The following RMDN2 variants were observed in gnomAD, a reference collection of about 807,000 sequenced individuals.
RMDN2 encodes the protein regulator of microtubule dynamics 2, also known as regulator of microtubule dynamics protein 2.
In RMDN2, 61 loss-of-function variants were observed where a neutral mutation model predicts 52.8. The ratio of observed to expected loss-of-function variants is 1.16; its 90% confidence interval spans 0.94 to 1.43. The LOEUF is 1.43. RMDN2 is among the 40% of genes most tolerant of loss of function. The pLI, the probability that RMDN2 is intolerant of heterozygous loss-of-function variation, is 0.00. For synonymous variants in RMDN2, 180 were observed against 153.1 expected (o/e 1.18, Z -1.30); for missense variants, 592 against 475.3 (o/e 1.25, Z -2.28).
chr2:37,931,820 C>G (rs1199051280), intron 2 of RMDN2, among the ~76,000 whole-genome samples: 2 of 152,200 alleles, frequency 1.3e-5, no homozygotes, highest in African/African-American at 2.4e-5. Context: ...AACTTCAAGA[C>G]TGATGTCAGG....
downstream of RMDN2, among the ~76,000 whole-genome samples, chr2:38,019,795 C>A (rs1198483608): frequency 6.6e-6 from 1 of 151,948 alleles, no homozygotes; most frequent in Non-Finnish European, 1.5e-5. Context: ...CGTGGTGGTG[C>A]ATGCCTGTAG....
chr2:38,032,881 A>G (rs1352804028), intron 10 of RMDN2: 1 of 152,096 alleles, frequency 6.6e-6, no homozygotes, highest in Non-Finnish European at 1.5e-5. Context: ...ATTTCAGCAG[A>G]CATGTTTTTA....
intron 5 of RMDN2, among the ~76,000 whole-genome samples, chr2:37,983,944 C>T (rs1398226611): frequency 1.3e-5 from 2 of 152,148 alleles, no homozygotes; most frequent in Non-Finnish European, 2.9e-5. Flanking sequence ...TGCACAGCAG[C>T]AGAGTAGTTG....
intron 10 of RMDN2, among the ~76,000 whole-genome samples, chr2:38,025,204 T>C (rs563073767): frequency 1.3e-5 from 2 of 152,220 alleles, no homozygotes; most frequent in East Asian, 3.9e-4. Context: ...CAGTTTTCAA[T>C]GTACAGGTCT....
intron 10 of RMDN2, among the ~76,000 whole-genome samples, chr2:38,004,471 T>C (rs1676784295): frequency 6.6e-6 from 1 of 152,206 alleles, no homozygotes. Context: ...TAGTTACTTT[T>C]TTTATTGTTG....
intron 10 of RMDN2, among the ~76,000 whole-genome samples, chr2:38,063,636 T>A (rs1050455607): frequency 6.6e-6 from 1 of 151,648 alleles, no homozygotes; most frequent in African/African-American, 2.4e-5. Context: ...TGGGAGAAAA[T>A]TTTTGCAACC....
chr2:38,065,034 A>G (rs1383235758), intron 10 of RMDN2, among the ~76,000 whole-genome samples: 1 of 152,218 alleles, frequency 6.6e-6, no homozygotes, highest in Non-Finnish European at 1.5e-5. Flanking sequence ...GCAAGTAAAC[A>G]CATACCAAGC....
chr2:38,022,213 A>C (rs1250551064), downstream of RMDN2, among the ~76,000 whole-genome samples: 1 of 152,274 alleles, frequency 6.6e-6, no homozygotes, highest in Non-Finnish European at 1.5e-5. Flanking sequence ...AGGCCACGTA[A>C]AAATGGTTTC....
At chr2:37,996,852 TA>T (rs1178936857) in intron 7 of RMDN2, among the ~76,000 whole-genome samples, 2 of 152,150 alleles carry the variant, frequency 1.3e-5, no homozygotes, top group Non-Finnish European at 2.9e-5. Context: ...ACTGATTTTT[TA>T]AAAAATCTTC....
intron 10 of RMDN2, among the ~76,000 whole-genome samples, chr2:38,056,343 A>G (rs1414502352): frequency 6.6e-6 from 1 of 152,178 alleles, no homozygotes; most frequent in Non-Finnish European, 1.5e-5. Context: ...CGTAGTTCTT[A>G]ATCGTTGTTC....
At chr2:37,928,754 A>G (rs1272174536) in intron 1 of RMDN2, 4 of 152,340 alleles carry the variant, frequency 2.6e-5, no homozygotes, top group African/African-American at 9.7e-5. Context: ...AGTTTTCTAT[A>G]TGTCTACTTC....
intron 2 of RMDN2, among the ~76,000 whole-genome samples, chr2:37,972,922 C>A (rs1216514943): frequency 6.6e-6 from 1 of 152,196 alleles, no homozygotes; most frequent in Non-Finnish European, 1.5e-5. Flanking sequence ...TCAGTTCATA[C>A]AGTATCTTCT....
intron 2 of RMDN2, among the ~76,000 whole-genome samples, chr2:37,964,590 G>T (rs562884805): frequency 6.6e-6 from 1 of 151,890 alleles, no homozygotes; most frequent in African/African-American, 2.4e-5. Context: ...GACTTATTTC[G>T]TGGCCTAATA....
chr2:37,995,364 TAC>T (rs1553372363), intron 7 of RMDN2, among the ~76,000 whole-genome samples: 143 of 146,530 alleles, frequency 9.8e-4, no homozygotes, highest in African/African-American at 3.5e-3. Flanking sequence ...CTACTACTAC[TAC>T]ACACACACAC....
rs1558506379 is a variant in RMDN2, at chr2:37,981,292, T to C, written c.740T>C (p.Leu247Ser). Reference sequence around the variant, plus strand: ...TACTTTTATCTTTCAGGAAAAACTTTAAGTGAAAGAGCTATTAATAGAGCA... The same window carrying C: ...TACTTTTATCTTTCAGGAAAAACTTCAAGTGAAAGAGCTATTAATAGAGCA... ...KKHYANIGKT[L>S]SERAINRAPM... The change falls in exon 5 of 11, where the codon TTA becomes TCA. Residue 247 changes from leucine to serine, a missense_variant. Leu to Ser is a moderately radical substitution (Grantham distance 145, BLOSUM62 -2). Coordinates refer to ENST00000354545, the MANE Select transcript of RMDN2 (RefSeq NM_001170791.3). 2 of 1,598,098 alleles carry C rather than the reference T, an allele frequency of 1.3e-6. No individual in the cohort carries two copies. The highest frequency in any genetic ancestry group is 2.2e-5 in the East Asian group (1 of 44,756).
chr2:38,042,626 A>G (rs1681038855), intron 10 of RMDN2, among the ~76,000 whole-genome samples: 1 of 152,016 alleles, frequency 6.6e-6, no homozygotes, highest in Non-Finnish European at 1.5e-5. Context: ...CTTTTGCAAT[A>G]TATGCATTCA....
chr2:37,987,155 G>A (rs961865727), intron 5 of RMDN2, among the ~76,000 whole-genome samples: 3 of 152,058 alleles, frequency 2.0e-5, no homozygotes, highest in Non-Finnish European at 4.4e-5. Flanking sequence ...AAGTCAATCA[G>A]TTTCCTCTAT....
chr2:38,004,713 CTT>C (rs1447890290), intron 10 of RMDN2, among the ~76,000 whole-genome samples: 2 of 151,058 alleles, frequency 1.3e-5, no homozygotes, highest in African/African-American at 4.9e-5. Context: ...TTTTATTATA[CTT>C]TAAGTTTTAG....
chr2:37,952,315 C>A, intron 2 of RMDN2: 1 of 988,114 alleles, frequency 1.0e-6, no homozygotes, highest in Non-Finnish European at 1.5e-6. Flanking sequence ...CACAAAGCTT[C>A]ACTGCATTTT....
Sources: allele counts gnomAD v4.1 joint callset (sites outside exome capture counted in the v4.1 genomes callset), GRCh38; gene constraint gnomAD v4.1.1; transcripts MANE v1.5; gene names NCBI Gene and HGNC (gene_info 2026-07-23, HGNC 2026-07-21).